RGS6: variants seen among roughly 807,000 people sequenced by gnomAD.
The protein encoded by RGS6 is regulator of G-protein signaling 6.
A neutral mutation model predicts 78.5 loss-of-function variants in RGS6; 30 were observed. The observed-to-expected ratio is 0.38, with a 90% CI of 0.29 to 0.52. RGS6 has a LOEUF of 0.52. RGS6 is among the 20% of genes least tolerant of loss of function. The pLI is 0.85. For missense variants in RGS6, 495 were observed against 609.7 expected, an observed-to-expected ratio of 0.81 and a Z score of 1.98; for synonymous variants, 206 against 206.0, an observed-to-expected ratio of 1.00 and a Z score of 0.00.
chr14:72,093,323 C>T (rs930217695), intron 2 of RGS6, among the ~76,000 whole-genome samples: 2 of 152,140 alleles, frequency 1.3e-5, no homozygotes, highest in Non-Finnish European at 2.9e-5. Flanking sequence ...CTCACTGCAG[C>T]CTCTACCTCC....
chr14:72,541,462 G>A, intron 17 of RGS6: 2 of 1,535,348 alleles, frequency 1.3e-6, no homozygotes. Context: ...TTCCTCATGA[G>A]AAATCAGAAT....
chr14:72,545,056 A>G (rs1359525646), intron 17 of RGS6, among the ~76,000 whole-genome samples: 1 of 152,252 alleles, frequency 6.6e-6, no homozygotes, highest in Admixed American at 6.5e-5. Flanking sequence ...TGAGTTCCCA[A>G]ATACCTAGAC....
the RGS6 span, among the ~76,000 whole-genome samples, chr14:72,610,366 C>T: frequency 6.6e-6 from 1 of 152,194 alleles, no homozygotes. Flanking sequence ...TAGGAGCCAC[C>T]TGCCAAAGCC....
intron 17 of RGS6, among the ~76,000 whole-genome samples, chr14:72,542,628 GAGGCCAATTACCATTT>G (rs1248796627): frequency 2.6e-5 from 4 of 152,190 alleles, no homozygotes; most frequent in East Asian, 3.8e-4. Context: ...CCAAAGACGT[GAGGCCAATTACCATTT>G]AGGATTAATT....
chr14:72,228,033 A>AG (rs1356171557), intron 2 of RGS6, among the ~76,000 whole-genome samples: 1 of 152,224 alleles, frequency 6.6e-6, no homozygotes, highest in African/African-American at 2.4e-5. Flanking sequence ...GGATTCCCCA[A>AG]GGGGAACCAG....
chr14:72,568,106 G>C (rs772776614), downstream of RGS6, among the ~76,000 whole-genome samples: 1 of 152,090 alleles, frequency 6.6e-6, no homozygotes, highest in Non-Finnish European at 1.5e-5. Context: ...GTGTGGGCTC[G>C]GTTCTCCTCC....
chr14:71,949,780 A>ATT (rs3053024), intron 1 of RGS6, among the ~76,000 whole-genome samples: 18,170 of 128,732 alleles, frequency 0.14, 1,395 homozygotes, highest in Non-Finnish European at 0.17. Flanking sequence ...TAGAAGCTCT[A>ATT]TTTTTTTTTT....
chr14:72,312,230 T>G (rs2068809281), intron 2 of RGS6, among the ~76,000 whole-genome samples: 1 of 151,410 alleles, frequency 6.6e-6, no homozygotes, highest in South Asian at 2.1e-4. Context: ...AAATTGTTTT[T>G]TTTTTTTTTT....
intron 1 of RGS6, among the ~76,000 whole-genome samples, chr14:71,963,086 G>C (rs1281291182): frequency 1.3e-5 from 2 of 152,138 alleles, no homozygotes; most frequent in East Asian, 3.9e-4. Flanking sequence ...GGGGAACTTG[G>C]TGGAATTCAC....
intron 2 of RGS6, among the ~76,000 whole-genome samples, chr14:72,190,604 C>T (rs2153716713): frequency 6.6e-6 from 1 of 152,274 alleles, no homozygotes; most frequent in East Asian, 1.9e-4. Context: ...AGACAGGGCA[C>T]CCTTATGGGG....
chr14:72,219,750 T>G (rs1211967095), intron 2 of RGS6, among the ~76,000 whole-genome samples: 5 of 152,232 alleles, frequency 3.3e-5, no homozygotes, highest in African/African-American at 1.2e-4. Flanking sequence ...GTCTCCTGTC[T>G]TATTGTATCT....
intron 2 of RGS6, among the ~76,000 whole-genome samples, chr14:72,347,367 C>A (rs1403834543): frequency 2.0e-5 from 3 of 152,200 alleles, no homozygotes; most frequent in African/African-American, 7.2e-5. Flanking sequence ...AGCAAGACAG[C>A]AGCAGTCATT....
intron 2 of RGS6, among the ~76,000 whole-genome samples, chr14:72,237,814 A>G (rs2051531723): frequency 6.6e-6 from 1 of 152,138 alleles, no homozygotes; most frequent in Non-Finnish European, 1.5e-5. Context: ...GTACTGGTCA[A>G]CGGCAGCATC....
chr14:72,118,798 C>A (rs1567241433), intron 2 of RGS6, among the ~76,000 whole-genome samples: 1 of 152,278 alleles, frequency 6.6e-6, no homozygotes, highest in South Asian at 2.1e-4. Context: ...GAAAATGTTA[C>A]ACTTTTTAGT....
At chr14:71,958,335 T>C (rs531386349) in intron 1 of RGS6, among the ~76,000 whole-genome samples, 1 of 152,328 alleles carries the variant, frequency 6.6e-6, no homozygotes, top group East Asian at 1.9e-4. Context: ...TGTGTTACTT[T>C]GGGCAAGTTA....
intron 2 of RGS6, among the ~76,000 whole-genome samples, chr14:72,153,441 C>G (rs983488032): frequency 6.6e-6 from 1 of 152,134 alleles, no homozygotes; most frequent in East Asian, 1.9e-4. Flanking sequence ...GGATGCTGGT[C>G]CAATATGAGT....
intron 2 of RGS6, among the ~76,000 whole-genome samples, chr14:72,278,540 G>A (rs1382317088): frequency 1.3e-5 from 2 of 152,174 alleles, no homozygotes; most frequent in East Asian, 3.9e-4. Context: ...ATGATTTGAT[G>A]CCTGTTTTCA....
chr14:72,489,731 A>G (rs1202157633), intron 12 of RGS6, among the ~76,000 whole-genome samples: 71 of 151,354 alleles, frequency 4.7e-4, no homozygotes, highest in African/African-American at 1.5e-3. Context: ...AAGGAGAGGC[A>G]AGGCGAGGTG....
intron 2 of RGS6, among the ~76,000 whole-genome samples, chr14:72,226,692 C>G (rs186427366): frequency 1.3e-5 from 2 of 152,190 alleles, no homozygotes. Context: ...GATTCTTATA[C>G]ACTTTATTGA....
Sources: allele counts gnomAD v4.1 joint callset (sites outside exome capture counted in the v4.1 genomes callset), GRCh38; gene constraint gnomAD v4.1.1; transcripts MANE v1.5; gene names NCBI Gene and HGNC (gene_info 2026-07-23, HGNC 2026-07-21).